Variants in PRDM16 observed in about 807,000 individuals in gnomAD.
PRDM16 encodes PR/SET domain 16.
Under a neutral mutation model 110.6 loss-of-function variants are expected in PRDM16, and 23 were observed. That is an observed-to-expected ratio of 0.21 (90% CI 0.15 to 0.29). The LOEUF is 0.29. Ranked by LOEUF, PRDM16 falls within the 10% of genes least tolerant of loss-of-function variation. The probability of loss-of-function intolerance (pLI) is 1.00; values close to 1 mark genes in which losing one functional copy is unlikely to be tolerated. For synonymous variants in PRDM16, 799 were observed against 781.8 expected (o/e 1.02, Z -0.37); for missense variants, 1,615 against 1,794.3 (o/e 0.90, Z 1.81).
chr1:3,107,236 C>T (rs1295485763), intron 1 of PRDM16, among the ~76,000 whole-genome samples: 3 of 152,244 alleles, frequency 2.0e-5, no homozygotes, highest in Non-Finnish European at 4.4e-5. Context: ...CCTATGTCCC[C>T]ACCCTGTTGG....
chr1:3,080,811 G>A lies in PRDM16; in HGVS notation c.37+11515G>A, dbSNP rs1642005867. ...CAGCCACAGGCGAATCTGGGACGAT[G>A]GCAGATTGTTAATATCTCAGAGCCC... On this transcript the variant is annotated intron_variant, in intron 1 of 16. Transcript: ENST00000270722. This position sits in a 1 kb window ranked among gnomAD's most constrained non-coding sequence, Gnocchi z 5.2. Among the ~76,000 whole-genome samples, 1 of 152,166 alleles carries A rather than the reference G, an allele frequency of 6.6e-6. No individual in the cohort carries two copies. Among genetic ancestry groups the A allele is most frequent in the Non-Finnish European group, 1.5e-5 (1 of 68,036 alleles).
In PRDM16 at chr1:3,430,914, C is replaced by A. The variant is rs766134173; in HGVS notation, c.3327C>A (p.Gly1109=). 15 of 1,614,114 alleles carry A rather than the reference C, an allele frequency of 9.3e-6. No individual in the cohort carries two copies. Among genetic ancestry groups the A allele is most frequent in the Non-Finnish European group, 1.3e-5 (15 of 1,180,014 alleles). Residue 1109 remains glycine (G), a synonymous_variant, in exon 15 of 17, where the codon GGC becomes GGA. Transcript: ENST00000270722. ...TGGACGGCAGTGCCCAGTGTCCAGG[C>A]CTAGCCAGTGAGAAGCAGGAGGACG... is the stretch of plus-strand genomic sequence containing the variant. The part of the protein sequence containing the change: ...QIVDGSAQCP[G]LASEKQEDVE...
intron 3 of PRDM16, among the ~76,000 whole-genome samples, chr1:3,282,027 C>G (rs1427006032): frequency 6.6e-6 from 1 of 152,210 alleles, no homozygotes; most frequent in Non-Finnish European, 1.5e-5. Context: ...GCCATGAACC[C>G]TTCAGTCAAA....
At chr1:3,274,606 C>T (rs1482622706) in intron 3 of PRDM16, among the ~76,000 whole-genome samples, 1 of 152,242 alleles carries the variant, frequency 6.6e-6, no homozygotes, top group African/African-American at 2.4e-5. Flanking sequence ...CAAACAATAG[C>T]TAATTACAGT....
intron 1 of PRDM16, among the ~76,000 whole-genome samples, chr1:3,141,787 A>G (rs772176673): frequency 2.6e-5 from 4 of 152,264 alleles, no homozygotes; most frequent in Non-Finnish European, 5.9e-5. Context: ...CAAATTCAGA[A>G]CTTTCAGGAA....
chr1:3,341,802 G>A (rs537251848), intron 3 of PRDM16, among the ~76,000 whole-genome samples: 13 of 152,370 alleles, frequency 8.5e-5, no homozygotes, highest in Admixed American at 3.9e-4. Flanking sequence ...AACCGCCCGC[G>A]CTCTGCAGCG....
At chr1:3,247,842 G>T (rs1288511601) in intron 3 of PRDM16, among the ~76,000 whole-genome samples, 2 of 152,258 alleles carry the variant, frequency 1.3e-5, no homozygotes, top group African/African-American at 4.8e-5. Context: ...GCCTTTCCTG[G>T]CCGCGGTGCG....
intron 3 of PRDM16, among the ~76,000 whole-genome samples, chr1:3,264,147 T>C (rs897399266): frequency 1.7e-4 from 26 of 152,090 alleles, no homozygotes; most frequent in African/African-American, 6.3e-4. Flanking sequence ...AGCAGAGAAA[T>C]AGCAATGACA....
chr1:3,304,726 C>T (rs1471510846), intron 3 of PRDM16, among the ~76,000 whole-genome samples: 1 of 149,788 alleles, frequency 6.7e-6, no homozygotes, highest in Non-Finnish European at 1.5e-5. Flanking sequence ...TCCCAACAGA[C>T]ACTCGCTGTC....
rs1644079931 is a variant in PRDM16 at position 3,175,927 on chromosome 1, C to T, written c.38-10198C>T. The stretch of plus-strand genomic sequence containing the variant: ...CTTCTACCTCTTCTGTTGGAAACTG[C>T]CCTGGAGGTTGCCCTTACCCCATCC... On this transcript the variant is annotated intron_variant, in intron 1 of 16. Transcript: ENST00000270722. The surrounding 1 kb of genome is among the most constrained non-coding windows in gnomAD (Gnocchi z 4.8). Among the ~76,000 whole-genome samples the T allele has an allele frequency of 6.6e-6, 1 of 152,106 alleles. No homozygotes were observed. The highest frequency in any genetic ancestry group is 2.4e-5 in the African/African-American group (1 of 41,402).
At chr1:3,165,188 G>A (rs1026034714) in intron 1 of PRDM16, among the ~76,000 whole-genome samples, 1 of 152,210 alleles carries the variant, frequency 6.6e-6, no homozygotes, top group African/African-American at 2.4e-5. Context: ...TAGGCCCAGG[G>A]ACAGGGACTT....
intron 14 of PRDM16, among the ~76,000 whole-genome samples, chr1:3,426,678 T>C (rs1355286732): frequency 6.6e-5 from 10 of 152,222 alleles, no homozygotes; most frequent in African/African-American, 9.6e-5. Flanking sequence ...ATGCCCCGTG[T>C]ACATGTACAC....
intron 3 of PRDM16, among the ~76,000 whole-genome samples, chr1:3,326,152 T>C (rs1641903423): frequency 6.6e-6 from 1 of 150,734 alleles, no homozygotes; most frequent in Non-Finnish European, 1.5e-5. Flanking sequence ...TTGGCCCTCG[T>C]TGGCCATCCT....
At chr1:3,269,022 G>A (rs918871439) in intron 3 of PRDM16, among the ~76,000 whole-genome samples, 4 of 152,272 alleles carry the variant, frequency 2.6e-5, no homozygotes, top group Non-Finnish European at 5.9e-5. Context: ...GCACTGCAGA[G>A]GCAGTGAGTC....
At chr1:3,311,725 C>T (rs1641465162) in intron 3 of PRDM16, among the ~76,000 whole-genome samples, 1 of 152,192 alleles carries the variant, frequency 6.6e-6, no homozygotes, top group Non-Finnish European at 1.5e-5. Flanking sequence ...GCTGATTTCA[C>T]ACCCAGGAGA....
chr1:3,235,910 G>A (rs993057971), intron 2 of PRDM16, among the ~76,000 whole-genome samples: 12 of 152,130 alleles, frequency 7.9e-5, no homozygotes, highest in Admixed American at 3.9e-4. Context: ...GGGGAGTGGG[G>A]GTTGTGTGGT....
At chr1:3,109,050 C>A (rs187137819) in intron 1 of PRDM16, among the ~76,000 whole-genome samples, 1 of 151,244 alleles carries the variant, frequency 6.6e-6, no homozygotes, top group Non-Finnish European at 1.5e-5. Flanking sequence ...CCACTGCACT[C>A]CAGCCTGGGT....
chr1:3,367,734 A>C lies in PRDM16; in HGVS notation c.439-17418A>C, dbSNP rs921493406. On this transcript the variant is annotated intron_variant, in intron 3 of 16. Coordinates refer to ENST00000270722, the MANE Select transcript of PRDM16 (RefSeq NM_022114.4). ...TATTTTAAAGCACTTACACTTCTGAATGTATGTTTTATACTGATAAGAATT... is the reference window on the plus strand; with the variant it reads ...TATTTTAAAGCACTTACACTTCTGACTGTATGTTTTATACTGATAAGAATT... Among the ~76,000 whole-genome samples the C allele has an allele frequency of 1.8e-4, 27 of 152,214 alleles. 1 individual carries two copies. The highest frequency in any genetic ancestry group is 1.8e-3 in the Admixed American group (27 of 15,278).
At position 3,245,676 on chromosome 1, in the gene PRDM16, A is replaced by T. The variant is rs191594923; in HGVS notation, c.438+1539A>T. ...GACTGGAGCAAATGGAGCAAATTCC[A>T]GGGCTGGTCTTTTCCACTTTCCCTC... On this transcript the variant is annotated intron_variant, in intron 3 of 16. Coordinates refer to ENST00000270722, the MANE Select transcript of PRDM16 (RefSeq NM_022114.4). This position sits in a 1 kb window ranked among gnomAD's most constrained non-coding sequence, Gnocchi z 4.7. Among the ~76,000 whole-genome samples the T allele has an allele frequency of 2.6e-5, 4 of 152,282 alleles. No individual in the cohort carries two copies. The East Asian group carries it at 7.7e-4, about 29-fold the overall frequency.
Sources: allele counts gnomAD v4.1 joint callset (sites outside exome capture counted in the v4.1 genomes callset), GRCh38; gene constraint gnomAD v4.1.1; non-coding constraint Gnocchi (gnomAD v3.1); transcripts MANE v1.5; gene names NCBI Gene and HGNC (gene_info 2026-07-23, HGNC 2026-07-21).